GLIS1: variants seen among roughly 807,000 people sequenced by gnomAD.
GLIS1 encodes GLIS family zinc finger 1.
A neutral mutation model predicts 63.8 loss-of-function variants in GLIS1; 24 were observed. The observed-to-expected ratio is 0.38, with a 90% CI of 0.27 to 0.53. The LOEUF (loss-of-function observed/expected upper bound fraction) is 0.53, where lower values mean the gene tolerates loss of function less well. Among genes scored for constraint, GLIS1 ranks in the 20% least tolerant of loss-of-function variants. The pLI, the probability that GLIS1 is intolerant of heterozygous loss-of-function variation, is 0.85. For synonymous variants in GLIS1, 450 were observed against 482.5 expected, an observed-to-expected ratio of 0.93 and a Z score of 0.88; for missense variants, 1,036 against 1,074.1, an observed-to-expected ratio of 0.96 and a Z score of 0.50.
chr1:53,527,564 G>A (rs1187828978), intron 5 of GLIS1, among the ~76,000 whole-genome samples: 2 of 152,182 alleles, frequency 1.3e-5, no homozygotes, highest in Non-Finnish European at 1.5e-5. Flanking sequence ...CCCTGGCCTG[G>A]TCCTCTCCAG....
At chr1:53,545,736 A>T (rs546530176) in intron 4 of GLIS1, among the ~76,000 whole-genome samples, 1 of 152,312 alleles carries the variant, frequency 6.6e-6, no homozygotes, top group Non-Finnish European at 1.5e-5. Context: ...TGTTTTGCTA[A>T]AGTTTAAAAA....
chr1:53,578,221 G>A, intron 4 of GLIS1, among the ~76,000 whole-genome samples: 1 of 152,150 alleles, frequency 6.6e-6, no homozygotes, highest in East Asian at 1.9e-4. Flanking sequence ...GGTGATCGGG[G>A]TCAAGTTAAT....
At chr1:53,738,770 G>A (rs1340576102) in intron 1 of GLIS1, among the ~76,000 whole-genome samples, 1 of 152,150 alleles carries the variant, frequency 6.6e-6, no homozygotes, top group African/African-American at 2.4e-5. Context: ...CGCGCAAACC[G>A]GCACAGTGGG....
intron 2 of GLIS1, among the ~76,000 whole-genome samples, chr1:53,663,409 G>T (rs935473979): frequency 9.9e-5 from 15 of 152,228 alleles, no homozygotes; most frequent in African/African-American, 3.4e-4. Context: ...GCTCCTGGGT[G>T]CCAGGGGCCA....
intron 8 of GLIS1, among the ~76,000 whole-genome samples, chr1:53,510,516 C>T (rs2100253851): frequency 6.6e-6 from 1 of 152,292 alleles, no homozygotes; most frequent in South Asian, 2.1e-4. Flanking sequence ...TTCACTGAGC[C>T]CCTGACTTGC....
intron 2 of GLIS1, among the ~76,000 whole-genome samples, chr1:53,610,577 CCTGA>C (rs1645415467): frequency 6.6e-6 from 1 of 152,126 alleles, no homozygotes; most frequent in Non-Finnish European, 1.5e-5. Flanking sequence ...CCCCCTCAAC[CCTGA>C]CTACTTTTAA....
intron 4 of GLIS1, among the ~76,000 whole-genome samples, chr1:53,589,212 C>T (rs1390414818): frequency 6.6e-6 from 1 of 152,184 alleles, no homozygotes; most frequent in Non-Finnish European, 1.5e-5. Context: ...CCCAAGTGAT[C>T]CTCCTGCCTC....
chr1:53,569,887 T>G (rs572070813), intron 4 of GLIS1, among the ~76,000 whole-genome samples: 1 of 152,246 alleles, frequency 6.6e-6, no homozygotes, highest in South Asian at 2.1e-4. Flanking sequence ...AAAAGAAAGA[T>G]ATATAATACA....
chr1:53,513,060 AC>A (rs1272631787), intron 8 of GLIS1, among the ~76,000 whole-genome samples: 1 of 151,786 alleles, frequency 6.6e-6, no homozygotes, highest in Non-Finnish European at 1.5e-5. Context: ...CCCCCTTTGC[AC>A]CCCCTTCAGG....
At chr1:53,513,317 G>A (rs1277007551) in intron 8 of GLIS1, among the ~76,000 whole-genome samples, 5 of 151,966 alleles carry the variant, frequency 3.3e-5, no homozygotes, top group Admixed American at 6.6e-5. Context: ...CTGCAATGCC[G>A]CCCTGCGTCC....
intron 2 of GLIS1, among the ~76,000 whole-genome samples, chr1:53,697,568 C>G (rs541923175): frequency 1.4e-4 from 22 of 152,294 alleles, no homozygotes; most frequent in African/African-American, 5.3e-4. Context: ...GAGATCCAAC[C>G]CCTGCTCAGG....
At chr1:53,569,624 A>G (rs1377520528) in intron 4 of GLIS1, among the ~76,000 whole-genome samples, 1 of 152,128 alleles carries the variant, frequency 6.6e-6, no homozygotes, top group Non-Finnish European at 1.5e-5. Flanking sequence ...AAAAAGATAA[A>G]ACAAAGTATA....
intron 2 of GLIS1, among the ~76,000 whole-genome samples, chr1:53,704,145 A>T (rs539158248): frequency 7.5e-4 from 114 of 152,224 alleles, no homozygotes; most frequent in Non-Finnish European, 1.3e-3. Flanking sequence ...GTGGCCTTTG[A>T]AAAGTCTTCT....
chr1:53,531,679 C>T (rs947119046), intron 4 of GLIS1, among the ~76,000 whole-genome samples: 4 of 152,276 alleles, frequency 2.6e-5, no homozygotes, highest in South Asian at 4.1e-4. Context: ...CACCATAAAG[C>T]GACGTGGTTG....
rs1644824614 is a variant in GLIS1 at position 53,556,281 on chromosome 1, TGCA to T, written c.1321-26332_1321-26330del. On this transcript the variant is annotated intron_variant, in intron 4 of 10. Coordinates refer to ENST00000628545, the MANE Select transcript of GLIS1 (RefSeq NM_001367484.1). ...CAGGTGTACTGCAGGTGTGTGTGTGTGCAGGTGTACTGTAGGTATGTGTGTGTG... is the reference window on the plus strand; with the variant it reads ...CAGGTGTACTGCAGGTGTGTGTGTGTGGTGTACTGTAGGTATGTGTGTGTG... 2.9e-5 allele frequency among the ~76,000 whole-genome samples: 4 copies of T among 140,030 alleles called. No homozygotes were observed. The Admixed American group carries it at 2.9e-4, about 10-fold the overall frequency. The allele number at this position is 140,030 out of a possible 152,430, so 91.9% of individuals were successfully genotyped here.
intron 2 of GLIS1, among the ~76,000 whole-genome samples, chr1:53,605,269 C>T (rs1645358615): frequency 1.3e-5 from 2 of 152,184 alleles, no homozygotes; most frequent in South Asian, 2.1e-4. Context: ...CCCCTGTCCA[C>T]CTGGTGTGAC....
intron 2 of GLIS1, among the ~76,000 whole-genome samples, chr1:53,653,409 C>T (rs566454738): frequency 8.2e-4 from 125 of 152,204 alleles, no homozygotes; most frequent in Non-Finnish European, 1.5e-3. Context: ...CAACATGCAT[C>T]ACAGCCCGGC....
intron 2 of GLIS1, among the ~76,000 whole-genome samples, chr1:53,618,684 T>C (rs555011933): frequency 6.6e-6 from 1 of 152,286 alleles, no homozygotes; most frequent in East Asian, 1.9e-4. Context: ...GAGGGGCTGA[T>C]GAAGGGCAGC....
At chr1:53,651,979 C>T (rs372228578) in intron 2 of GLIS1, among the ~76,000 whole-genome samples, 3 of 152,054 alleles carry the variant, frequency 2.0e-5, no homozygotes, top group African/African-American at 4.8e-5. Flanking sequence ...GACAAATGCA[C>T]GTCCTCAAGG....
Sources: gnomAD v4.1 joint callset for allele counts (sites outside exome capture counted in the v4.1 genomes callset) on GRCh38, gnomAD v4.1.1 for gene constraint, MANE v1.5 for transcripts, NCBI Gene and HGNC (gene_info 2026-07-23, HGNC 2026-07-21) for gene names.